Variants in COQ8B observed in about 807,000 individuals in gnomAD.
The protein encoded by COQ8B is atypical kinase COQ8B, mitochondrial.
In COQ8B, 44 loss-of-function variants were observed where a neutral mutation model predicts 62.0. The ratio of observed to expected loss-of-function variants is 0.71; its 90% CI spans 0.56 to 0.91. The LOEUF (loss-of-function observed/expected upper bound fraction) is 0.91, where lower values mean the gene tolerates loss of function less well. COQ8B is among the 40% of genes least tolerant of loss of function. COQ8B has a pLI of 0.00. For synonymous variants in COQ8B, 252 were observed against 289.9 expected, an observed-to-expected ratio of 0.87 and a Z score of 1.33; for missense variants, 649 against 731.6, an observed-to-expected ratio of 0.89 and a Z score of 1.30.
intron 13 of COQ8B, among the ~76,000 whole-genome samples, chr19:40,693,867 G>C (rs1000152731): frequency 1.4e-5 from 2 of 147,910 alleles, no homozygotes; most frequent in African/African-American, 5.2e-5. Flanking sequence ...AGTAGGGAGT[G>C]GAACCGGGTC....
At chr19:40,707,986 T>A (rs1387499662) in intron 5 of COQ8B, 1 of 152,236 alleles carries the variant, frequency 6.6e-6, no homozygotes, top group East Asian at 1.9e-4. Flanking sequence ...GCCATACACT[T>A]ACAGGTATGT....
chr19:40,713,976 T>C (rs2082163918), intron 4 of COQ8B, 91 bp downstream of exon 4: 2 of 1,378,390 alleles, frequency 1.5e-6, no homozygotes. Context: ...CTCTCTTTCC[T>C]GTCTCTGATT....
chr19:40,699,750 G>A (rs749756862), intron 12 of COQ8B, among the ~76,000 whole-genome samples: 4 of 152,228 alleles, frequency 2.6e-5, no homozygotes, highest in Non-Finnish European at 5.9e-5. Context: ...GGCAACGGAA[G>A]TGCTATGTCC....
Position 40,702,697 on chromosome 19 carries a change from T to C in COQ8B, c.800-4A>G, listed in dbSNP as rs745683298. ...AGGCTCTGCTCGGCAAACAGGCCTGTGGGGGAGGTGTGTCAGCCAGGGAAG... is the reference window on the plus strand; with the variant it reads ...AGGCTCTGCTCGGCAAACAGGCCTGCGGGGGAGGTGTGTCAGCCAGGGAAG... On this transcript the variant is annotated splice_polypyrimidine_tract_variant and splice_region_variant and intron_variant, in intron 9 of 14. Coordinates refer to ENST00000324464, the MANE Select transcript of COQ8B (RefSeq NM_024876.4). 8 of 1,606,466 alleles carry C rather than the reference T, an allele frequency of 5.0e-6. No homozygotes were observed. In the African/African-American group the frequency reaches 1.1e-4, roughly 21 times the overall value.
chr19:40,714,998 T>TCCCCCC, intron 1 of COQ8B: 13 of 1,011,746 alleles, frequency 1.3e-5, no homozygotes, highest in South Asian at 7.8e-5. Flanking sequence ...TCCTCCGGTG[T>TCCCCCC]CCCCCCGCCC....
intron 4 of COQ8B, among the ~76,000 whole-genome samples, chr19:40,712,246 G>C (rs143592826): frequency 0.023 from 3,545 of 151,952 alleles, 52 homozygotes; most frequent in Non-Finnish European, 0.034. Context: ...AGATCAGCTT[G>C]ACCAACATGG....
intron 1 of COQ8B, chr19:40,715,008 C>CCCA: frequency 6.1e-6 from 6 of 989,078 alleles, no homozygotes; most frequent in South Asian, 4.0e-5. Flanking sequence ...TCCCCCCGCC[C>CCCA]GATCCCCACC....
chr19:40,696,014 G>T lies in COQ8B; in HGVS notation c.1184C>A (p.Thr395Lys). The change falls in exon 13 of 15, where the codon ACA becomes AAA. Residue 395 changes from threonine to lysine, a missense_variant. By Grantham distance (78) the Thr-to-Lys change is moderately conservative. Coordinates refer to ENST00000324464, the MANE Select transcript of COQ8B (RefSeq NM_024876.4). ...LDFGASREFG[T>K]EFTDHYIEVV... ...CTCGATGTAATGGTCTGTGAACTCT[G>T]TCCCAAACTCCCGGCTTGCACCAAA... is the stretch of plus-strand genomic sequence containing the variant. The T allele has an allele frequency of 6.2e-7, 1 of 1,614,134 alleles. No individual in the cohort carries two copies.
chr19:40,712,473 C>T (rs2082150175), intron 4 of COQ8B, among the ~76,000 whole-genome samples: 2 of 151,510 alleles, frequency 1.3e-5, no homozygotes, highest in Admixed American at 6.6e-5. Context: ...CTGTAACCCC[C>T]GCTACTCAGG....
intron 12 of COQ8B, among the ~76,000 whole-genome samples, chr19:40,698,649 T>A (rs2144690298): frequency 6.6e-6 from 1 of 151,550 alleles, no homozygotes; most frequent in East Asian, 1.9e-4. Flanking sequence ...GGACACAGGG[T>A]GTATGCACAT....
chr19:40,708,800 G>A (rs1277102111), intron 5 of COQ8B, among the ~76,000 whole-genome samples: 1 of 151,888 alleles, frequency 6.6e-6, no homozygotes, highest in Non-Finnish European at 1.5e-5. Context: ...GTGGTGGCAC[G>A]TGTCTATAAT....
chr19:40,702,774 T>C, intron 9 of COQ8B, 81 bp from the exon 10 acceptor site: 2 of 1,321,478 alleles, frequency 1.5e-6, no homozygotes, highest in Non-Finnish European at 2.1e-6. Context: ...CTCTCTCTCC[T>C]GTCTCCCGCG....
intron 12 of COQ8B, among the ~76,000 whole-genome samples, chr19:40,698,966 G>A (rs2082040113): frequency 6.6e-6 from 1 of 151,224 alleles, no homozygotes; most frequent in African/African-American, 2.4e-5. Context: ...TCTCTGGATG[G>A]TTGTCTCCTT....
intron 5 of COQ8B, among the ~76,000 whole-genome samples, chr19:40,707,575 A>ACC (rs1245229588): frequency 6.6e-6 from 1 of 150,734 alleles, no homozygotes; most frequent in Admixed American, 6.6e-5. Context: ...CTTACCCCCC[A>ACC]CCCAAGTAGC....
intron 1 of COQ8B, chr19:40,715,431 C>T (rs2144722482): frequency 1.0e-6 from 1 of 985,700 alleles, no homozygotes; most frequent in East Asian, 1.1e-4. Context: ...TTGCCAACCC[C>T]CCTTCTTATT....
In COQ8B at chr19:40,705,201, A is replaced by AG. The variant is rs1189974628; in HGVS notation, c.491-21dup. On this transcript the variant is annotated intron_variant, in intron 6 of 14. Coordinates refer to ENST00000324464, the MANE Select transcript of COQ8B (RefSeq NM_024876.4). The stretch of plus-strand genomic sequence containing the variant: ...TGTTGTCTTGGGAGACAGTGGAACC[A>AG]GGGGGGAAGTAAGCGAAGAGGTGAG... 1 of 1,612,148 alleles carries AG rather than the reference A, an allele frequency of 6.2e-7. No individual in the cohort carries two copies. The highest frequency in any genetic ancestry group is 8.5e-7 in the Non-Finnish European group (1 of 1,178,974).
At chr19:40,709,253 CT>C (rs1314066420) in intron 5 of COQ8B, among the ~76,000 whole-genome samples, 2 of 152,170 alleles carry the variant, frequency 1.3e-5, no homozygotes, top group Non-Finnish European at 2.9e-5. Context: ...TCCAAAAAGT[CT>C]TTCATGGCTG....
At chr19:40,693,283 C>T (rs554590484) in intron 13 of COQ8B, among the ~76,000 whole-genome samples, 8 of 152,184 alleles carry the variant, frequency 5.3e-5, no homozygotes, top group South Asian at 4.2e-4. Flanking sequence ...GGGGCCTGCC[C>T]GGGAACTGCC....
At chr19:40,714,177 G>A (rs1489150336) in intron 3 of COQ8B, 44 bp from the exon 4 acceptor site, 5 of 1,613,182 alleles carry the variant, frequency 3.1e-6, no homozygotes, top group South Asian at 2.2e-5. Flanking sequence ...AGTGGGCATC[G>A]TGGCCAGAGA....
Sources: gnomAD v4.1 joint callset for allele counts (sites outside exome capture counted in the v4.1 genomes callset) on GRCh38, gnomAD v4.1.1 for gene constraint, MANE v1.5 for transcripts, NCBI Gene and HGNC (gene_info 2026-07-23, HGNC 2026-07-21) for gene names.